CDC123: variants seen among roughly 807,000 people sequenced by gnomAD.
CDC123 encodes translation initiation factor eIF2 assembly protein.
In CDC123, 37 loss-of-function variants were observed where a neutral mutation model predicts 54.4. That is an observed-to-expected ratio of 0.68 (90% CI 0.52 to 0.89). The LOEUF is 0.89. CDC123 is among the 40% of genes least tolerant of loss of function. The pLI, the probability that CDC123 is intolerant of heterozygous loss-of-function variation, is 0.00. For missense variants in CDC123, 361 were observed against 412.1 expected, an observed-to-expected ratio of 0.88 and a Z score of 1.07; for synonymous variants, 144 against 136.8, an observed-to-expected ratio of 1.05 and a Z score of -0.37.
intron 2 of CDC123, among the ~76,000 whole-genome samples, chr10:12,200,602 G>T (rs1480689454): frequency 6.6e-6 from 1 of 152,140 alleles, no homozygotes; most frequent in South Asian, 2.1e-4. Flanking sequence ...CCAGATGTTT[G>T]CATGGCCTGT....
At chr10:12,197,586 C>T (rs955623919) in intron 1 of CDC123, among the ~76,000 whole-genome samples, 4 of 151,774 alleles carry the variant, frequency 2.6e-5, no homozygotes, top group Non-Finnish European at 4.4e-5. Flanking sequence ...ACCGTGTTAG[C>T]CAGGATGGTC....
Position 12,196,284 on chromosome 10 carries a change from G to T in CDC123, c.39G>T (p.Ala13=). ...KEHVLHCQFS[A]WYPFFRGVTI... Reference sequence around the variant, plus strand: ...ATGTGCTTCACTGCCAGTTCTCCGCGTGGTACCCGTTCTTCCGAGGCGTTA... The same window carrying T: ...ATGTGCTTCACTGCCAGTTCTCCGCTTGGTACCCGTTCTTCCGAGGCGTTA... Residue 13 remains alanine, a synonymous_variant, in exon 1 of 13, where the codon GCG becomes GCT. Coordinates refer to ENST00000281141, the MANE Select transcript of CDC123 (RefSeq NM_006023.3). 1 of 1,613,936 alleles carries T rather than the reference G, an allele frequency of 6.2e-7. No individual in the cohort carries two copies. The highest frequency in any genetic ancestry group is 8.5e-7 in the Non-Finnish European group (1 of 1,179,882).
intron 2 of CDC123, among the ~76,000 whole-genome samples, chr10:12,200,120 A>ATTTTTTTTTGTTTT (rs1835421026): frequency 1.7e-5 from 1 of 59,356 alleles, no homozygotes; most frequent in South Asian, 9.7e-4. Context: ...CGCACTCGGC[A>ATTTTTTTTTGTTTT]TTTTTTTTTT....
intron 2 of CDC123, among the ~76,000 whole-genome samples, chr10:12,205,653 G>A (rs574508514): frequency 2.6e-5 from 4 of 152,322 alleles, no homozygotes; most frequent in South Asian, 2.1e-4. Context: ...CTGTCTGCCT[G>A]CCTCTAGAGC....
chr10:12,217,357 T>G lies in CDC123; in HGVS notation c.334-4T>G. 6.2e-7 allele frequency: 1 copy of G among 1,610,604 alleles called. No homozygotes were observed. ...GACTAAATAGCATGTGCTTCATTCT[T>G]TAGGATGCGTATTGGATAGCAATGA... is the stretch of plus-strand genomic sequence containing the variant. On this transcript the variant is annotated splice_region_variant and splice_polypyrimidine_tract_variant and intron_variant, in intron 5 of 12. Transcript: ENST00000281141.
rs781737019 is a variant in CDC123, at chr10:12,237,273, A to AT, written c.688+14dup. ...AAATTCTTAGATGAAGACTGTGAGT[A>AT]TTTTTTTATTGATCCAGTAAAATGA... is the stretch of plus-strand genomic sequence containing the variant. On this transcript the variant is annotated splice_region_variant and intron_variant, in intron 9 of 12. Coordinates refer to ENST00000281141, the MANE Select transcript of CDC123 (RefSeq NM_006023.3). 5 of 1,533,276 alleles carry AT rather than the reference A, an allele frequency of 3.3e-6. No homozygotes were observed. The highest frequency in any genetic ancestry group is 4.4e-6 in the Non-Finnish European group (5 of 1,146,888). The allele number at this position is 1,533,276 out of a possible 1,614,324, so 95.0% of individuals were successfully genotyped here.
At chr10:12,202,255 G>C (rs899211567) in intron 2 of CDC123, among the ~76,000 whole-genome samples, 2 of 152,156 alleles carry the variant, frequency 1.3e-5, no homozygotes, top group African/African-American at 4.8e-5. Context: ...CCCCAGAAAG[G>C]TTTCTCTTGT....
Position 12,209,360 on chromosome 10 carries a change from C to T in CDC123, c.147-607C>T, listed in dbSNP as rs139482633. On this transcript the variant is annotated intron_variant, in intron 2 of 12. Transcript: ENST00000281141. ...CAAGGGATCCTTCTGTGTCAGCTTCCTGAATAGCTGTGACCACAGGTGTTC... is the reference window on the plus strand; with the variant it reads ...CAAGGGATCCTTCTGTGTCAGCTTCTTGAATAGCTGTGACCACAGGTGTTC... 7.4e-3 allele frequency among the ~76,000 whole-genome samples: 1,128 copies of T among 152,194 alleles called. 20 individuals are homozygous for T. The highest frequency in any genetic ancestry group is 0.025 in the African/African-American group (1,042 of 41,532).
At chr10:12,245,773 T>C (rs1836125047) in intron 10 of CDC123, 1 of 163,782 alleles carries the variant, frequency 6.1e-6, no homozygotes, top group African/African-American at 2.4e-5. Flanking sequence ...TAGAATAATA[T>C]GAAGAATATC....
intron 12 of CDC123, 130 bp from the exon 13 acceptor site, chr10:12,250,181 A>C: frequency 1.8e-6 from 1 of 562,900 alleles, no homozygotes. Flanking sequence ...AGTTTAATGA[A>C]TTAAAGCATG....
At chr10:12,230,804 A>G in intron 6 of CDC123, 144 bp from the exon 7 acceptor site, 1 of 721,940 alleles carries the variant, frequency 1.4e-6, no homozygotes, top group South Asian at 1.7e-5. Flanking sequence ...ACGGCTCAGT[A>G]AGTGTTCGTC....
At chr10:12,204,634 T>A (rs998773527) in intron 2 of CDC123, among the ~76,000 whole-genome samples, 1 of 152,156 alleles carries the variant, frequency 6.6e-6, no homozygotes, top group African/African-American at 2.4e-5. Context: ...AACAATCCAA[T>A]TACAGTCTTT....
chr10:12,206,371 A>G (rs182887011), intron 2 of CDC123, among the ~76,000 whole-genome samples: 35 of 152,394 alleles, frequency 2.3e-4, no homozygotes, highest in Admixed American at 2.1e-3. Flanking sequence ...GCATTTAAAG[A>G]GAGACGTAAG....
At position 12,215,848 on chromosome 10, in the gene CDC123, A is replaced by G; in HGVS notation, c.333+13A>G. ...GAGTGCCCCAAGGGTAGGAACACATAAGTAATTCTCTTACTGTTTGAATAT... is the reference window on the plus strand; with the variant it reads ...GAGTGCCCCAAGGGTAGGAACACATGAGTAATTCTCTTACTGTTTGAATAT... On this transcript the variant is annotated intron_variant, in intron 5 of 12. Transcript: ENST00000281141. The G allele has an allele frequency of 4.6e-6, 7 of 1,505,742 alleles. No homozygotes were observed. Among genetic ancestry groups the G allele is most frequent in the Admixed American group, 1.8e-5 (1 of 54,272 alleles). The allele number at this position is 1,505,742 out of a possible 1,614,324, so 93.3% of individuals were successfully genotyped here.
intron 6 of CDC123, among the ~76,000 whole-genome samples, chr10:12,220,003 T>C (rs1835714325): frequency 6.6e-6 from 1 of 152,130 alleles, no homozygotes; most frequent in Admixed American, 6.6e-5. Flanking sequence ...CAACTAATTT[T>C]TGTATTTTTA....
At chr10:12,213,484 G>C (rs191714813) in intron 4 of CDC123, among the ~76,000 whole-genome samples, 1 of 151,864 alleles carries the variant, frequency 6.6e-6, no homozygotes, top group African/African-American at 2.4e-5. Flanking sequence ...ACAGATTGAA[G>C]AAGATTAAAG....
At chr10:12,196,768 G>A (rs1041550059) in intron 1 of CDC123, among the ~76,000 whole-genome samples, 1 of 152,164 alleles carries the variant, frequency 6.6e-6, no homozygotes, top group Middle Eastern at 3.2e-3. Context: ...AGTTAATGAC[G>A]ATATACGTAT....
chr10:12,199,543 T>G (rs76370449), intron 2 of CDC123, among the ~76,000 whole-genome samples: 2 of 152,192 alleles, frequency 1.3e-5, no homozygotes, highest in African/African-American at 2.4e-5. Flanking sequence ...GTGCCTGATA[T>G]AGCAGAAGTG....
rs1034067389 is a variant in CDC123, at chr10:12,217,790, T to C, written c.440+323T>C. On this transcript the variant is annotated intron_variant, in intron 6 of 12. Transcript: ENST00000281141. ...ATTACAGCTAAATAAAAACAGGAAA[T>C]ATAAAAGCTCTCATGGCCGGGCGCG... Among the ~76,000 whole-genome samples the C allele has an allele frequency of 5.9e-5, 9 of 152,084 alleles. No individual in the cohort carries two copies. The East Asian group carries it at 1.4e-3, about 23-fold the overall frequency.
Sources: allele counts gnomAD v4.1 joint callset (sites outside exome capture counted in the v4.1 genomes callset), GRCh38; gene constraint gnomAD v4.1.1; transcripts MANE v1.5; gene names NCBI Gene and HGNC (gene_info 2026-07-23, HGNC 2026-07-21).